Variants in DNMBP observed in about 807,000 individuals in gnomAD.
DNMBP encodes dynamin binding protein, also known as dynamin-binding protein.
A neutral mutation model predicts 150.0 loss-of-function variants in DNMBP; 87 were observed. The observed-to-expected ratio is 0.58, with a 90% CI of 0.49 to 0.69. DNMBP has a LOEUF of 0.69. DNMBP is among the 30% of genes least tolerant of loss of function. DNMBP has a pLI of 0.00. For synonymous variants in DNMBP, 711 were observed against 750.4 expected, an observed-to-expected ratio of 0.95 and a Z score of 0.86; for missense variants, 1,774 against 1,949.0, an observed-to-expected ratio of 0.91 and a Z score of 1.69.
In DNMBP at chr10:99,877,264, T is replaced by G. The variant is rs1318222176; in HGVS notation, c.4621A>C (p.Lys1541Gln). ...ELSVSANQKL[K>Q]ILEFKDVTGN... is the part of the protein sequence containing the mutation. ...GTAACATCTTTAAACTCGAGGATCT[T>G]GAGTTTCTGATTGGCTGACACGCTC... The change falls in exon 17 of 17, where the codon AAG (lysine) becomes CAG (glutamine). Residue 1541 changes from lysine to glutamine, a missense_variant. Physicochemically the swap from Lys to Gln is moderately conservative, Grantham distance 53. Around this residue, in one of 2 missense-constraint regions of DNMBP, gnomAD observed 1,430 missense variants for 1,492.5 expected, o/e 0.96. Coordinates refer to ENST00000324109, the MANE Select transcript of DNMBP (RefSeq NM_015221.4). The G allele has an allele frequency of 6.2e-7, 1 of 1,613,820 alleles. No individual in the cohort carries two copies. Among genetic ancestry groups the G allele is most frequent in the Non-Finnish European group, 8.5e-7 (1 of 1,179,938 alleles).
intron 4 of DNMBP, among the ~76,000 whole-genome samples, chr10:99,924,009 C>G (rs1297881314): frequency 6.6e-6 from 1 of 152,018 alleles, no homozygotes; most frequent in Non-Finnish European, 1.5e-5. Flanking sequence ...CAAAAATTAG[C>G]CAGGCATGGT....
At chr10:99,927,925 A>G (rs189663621) in intron 4 of DNMBP, among the ~76,000 whole-genome samples, 1 of 152,322 alleles carries the variant, frequency 6.6e-6, no homozygotes, top group East Asian at 1.9e-4. Flanking sequence ...AACTAAACAT[A>G]GGAAACAAAG....
At position 99,894,967 on chromosome 10, in the gene DNMBP, A is replaced by T; in HGVS notation, c.3135T>A (p.Ser1045=). The T allele has an allele frequency of 6.2e-7, 1 of 1,613,958 alleles. No individual in the cohort carries two copies. ...RLIKSFIRDL[S]LYLQHIRESA... ...TCACCCGGATGTGCTGGAGGTAGAG[A>T]GACAGGTCTCGGATAAAAGACTTAA... The change falls in exon 11 of 17, where the codon TCT becomes TCA. Residue 1045 remains serine, a synonymous_variant. Transcript: ENST00000324109.
rs1170719003 is a variant in DNMBP, at chr10:99,884,049, G to A, written c.3959C>T (p.Pro1320Leu). The A allele has an allele frequency of 6.2e-7, 1 of 1,613,900 alleles. No homozygotes were observed. Among genetic ancestry groups the A allele is most frequent in the African/African-American group, 1.3e-5 (1 of 74,862 alleles). ...CAGCCAGCGGTTCTGGCTGCCCATG[G>A]GGTCTTTTTTCTTAATCACACCCAC... is the stretch of plus-strand genomic sequence containing the variant. ...DLVGVIKKKD[P>L]MGSQNRWLID... is the part of the protein sequence containing the mutation. The change falls in exon 15 of 17, where the codon CCC becomes CTC. Residue 1320 changes from proline to leucine, a missense_variant. This residue lies in a region of DNMBP where 1,430 missense variants were observed against 1,492.5 expected (regional missense o/e 0.96). Transcript: ENST00000324109.
intron 6 of DNMBP, among the ~76,000 whole-genome samples, chr10:99,901,926 C>G (rs528783539): frequency 1.3e-5 from 2 of 151,770 alleles, no homozygotes; most frequent in South Asian, 4.2e-4. Context: ...TTTTTTAAGA[C>G]AGGGTCTCCT....
At chr10:99,901,254 A>T (rs1004633440) in intron 6 of DNMBP, among the ~76,000 whole-genome samples, 5 of 152,282 alleles carry the variant, frequency 3.3e-5, no homozygotes, top group Admixed American at 2.0e-4. Context: ...TAAGGTATTA[A>T]ATAACCAAAT....
At position 99,891,745 on chromosome 10, in the gene DNMBP, CG is replaced by C. The variant is rs1240032600; in HGVS notation, c.3157-2793del. 1.1e-3 allele frequency among the ~76,000 whole-genome samples: 127 copies of C among 113,514 alleles called. 1 individual carries two copies. Among genetic ancestry groups the C allele is most frequent in the African/African-American group, 6.0e-3 (123 of 20,332 alleles). 74.5% of individuals were successfully genotyped at this position (113,514 alleles called of 152,430 possible). A position where few individuals can be genotyped will look rare whatever the true frequency, so the allele number is the denominator to read the frequency against. On this transcript the variant is annotated intron_variant, in intron 11 of 16. Transcript: ENST00000324109. ...GAAGTGAGGAGCACCTCTTCCCGGC[CG>C]CCATCACATCTAGGAAGTGAGGAGC...
intron 10 of DNMBP, 60 bp downstream of exon 10, chr10:99,896,207 C>A: frequency 6.3e-7 from 1 of 1,583,752 alleles, no homozygotes; most frequent in South Asian, 1.1e-5. Flanking sequence ...GGCAGGCTGT[C>A]TCATGGAGCC....
At chr10:99,885,610 CTGGGCCTG>C in intron 14 of DNMBP, 69 bp downstream of exon 14, 1 of 1,307,680 alleles carries the variant, frequency 7.6e-7, no homozygotes, top group Non-Finnish European at 1.0e-6. Flanking sequence ...ATAGTGGGAT[CTGGGCCTG>C]GGGGCCTGGC....
intron 15 of DNMBP, among the ~76,000 whole-genome samples, chr10:99,882,450 C>G (rs1040337546): frequency 3.3e-5 from 5 of 152,104 alleles, no homozygotes; most frequent in African/African-American, 1.2e-4. Context: ...TGGGCATGGT[C>G]ACGCATGCCT....
chr10:99,987,245 G>C (rs2040837988), intron 1 of DNMBP, among the ~76,000 whole-genome samples: 1 of 149,596 alleles, frequency 6.7e-6, no homozygotes, highest in East Asian at 2.0e-4. Context: ...GCTCATGCTT[G>C]TAATCCGAGC....
chr10:99,891,805 G>C (rs1564719451), intron 11 of DNMBP, among the ~76,000 whole-genome samples: 1 of 150,542 alleles, frequency 6.6e-6, no homozygotes, highest in African/African-American at 2.5e-5. Context: ...CTGAGACGTG[G>C]GGAGCGCCTC....
At chr10:99,995,899 T>C (rs938996129) in intron 1 of DNMBP, among the ~76,000 whole-genome samples, 1 of 152,272 alleles carries the variant, frequency 6.6e-6, no homozygotes, top group African/African-American at 2.4e-5. Context: ...CAGTAGGCAT[T>C]GATCTACAAT....
At chr10:99,906,342 G>T (rs1051559512) in intron 6 of DNMBP, among the ~76,000 whole-genome samples, 2 of 152,130 alleles carry the variant, frequency 1.3e-5, no homozygotes, top group Non-Finnish European at 2.9e-5. Flanking sequence ...CGACACAGGG[G>T]TCACTCCTTC....
Position 99,981,287 on chromosome 10 carries a change from C to CA in DNMBP, c.-10-9154_-10-9153insT, listed in dbSNP as rs532125955. ...ACCTTCACCTCCTGGGCTCAAGTAA[C>CA]TCTCGTGCCTCAGCCTCCTGAGTAG... On this transcript the variant is annotated intron_variant, in intron 1 of 16. Coordinates refer to ENST00000324109, the MANE Select transcript of DNMBP (RefSeq NM_015221.4). Among the ~76,000 whole-genome samples the CA allele has an allele frequency of 2.2e-4, 33 of 152,232 alleles. No individual in the cohort carries two copies. The South Asian group carries it at 6.6e-3, about 31-fold the overall frequency.
intron 9 of DNMBP, 64 bp from the exon 10 acceptor site, chr10:99,896,461 T>C: frequency 6.5e-7 from 1 of 1,543,186 alleles, no homozygotes; most frequent in South Asian, 1.1e-5. Context: ...AGCCATAAAA[T>C]GAGATGAACA....
chr10:99,964,278 G>A (rs2040595354), intron 3 of DNMBP, among the ~76,000 whole-genome samples: 1 of 151,018 alleles, frequency 6.6e-6, no homozygotes, highest in Non-Finnish European at 1.5e-5. Context: ...CGAGGAGCTG[G>A]GATTACAGGT....
At position 100,001,410 on chromosome 10, in the gene DNMBP, G is replaced by GTTTTTTTT. The variant is rs1346291816; in HGVS notation, c.-11+8427_-11+8428insAAAAAAAA. Among the ~76,000 whole-genome samples the GTTTTTTTT allele has an allele frequency of 6.7e-3, 643 of 96,274 alleles. 29 individuals carry two copies. The highest frequency in any genetic ancestry group is 0.023 in the African/African-American group (592 of 25,482). 63.2% of individuals were successfully genotyped at this position (96,274 alleles called of 152,430 possible). On this transcript the variant is annotated intron_variant, in intron 1 of 16. Coordinates refer to ENST00000324109, the MANE Select transcript of DNMBP (RefSeq NM_015221.4). ...ACAATTGTGATGGGGTTTTGTTGTT[G>GTTTTTTTT]TTGTTTTTTTTTTTTTTTTGAGACA...
intron 1 of DNMBP, among the ~76,000 whole-genome samples, chr10:99,977,091 A>G (rs993968986): frequency 6.6e-5 from 10 of 152,194 alleles, no homozygotes; most frequent in African/African-American, 2.4e-4. Flanking sequence ...AAAATGACTC[A>G]GAAGCAGAGG....
Sources: gnomAD v4.1 joint callset for allele counts (sites outside exome capture counted in the v4.1 genomes callset) on GRCh38, gnomAD v4.1.1 for gene constraint, gnomAD v4.1.1 regional missense constraint, MANE v1.5 for transcripts, NCBI Gene and HGNC (gene_info 2026-07-23, HGNC 2026-07-21) for gene names.